XPO6: variants seen among roughly 807,000 people sequenced by gnomAD.
The protein encoded by XPO6 is exportin 6.
XPO6 carries 3 observed loss-of-function variants against 130.0 expected under a neutral mutation model. That is an observed-to-expected ratio of 0.02 (90% CI 0.01 to 0.06). The LOEUF is 0.06. XPO6 is among the 10% of genes least tolerant of loss of function. The pLI, the probability that XPO6 is intolerant of heterozygous loss-of-function variation, is 1.00. For synonymous variants in XPO6, 524 were observed against 548.9 expected (o/e 0.95, Z 0.63); for missense variants, 970 against 1,393.0 (o/e 0.70, Z 4.83).
chr16:28,154,121 A>G (rs2043142081), intron 7 of XPO6: 1 of 985,244 alleles, frequency 1.0e-6, no homozygotes, highest in African/African-American at 1.7e-5. Context: ...GGTGTCATCA[A>G]TCACTAATAC....
chr16:28,180,258 G>A (rs535154413), intron 2 of XPO6, among the ~76,000 whole-genome samples: 3 of 152,240 alleles, frequency 2.0e-5, no homozygotes, highest in South Asian at 2.1e-4. Context: ...CCAGCAACTC[G>A]GGAGGCTGAG....
At chr16:28,209,075 G>A (rs1212741325) in intron 1 of XPO6, 71 of 152,154 alleles carry the variant, frequency 4.7e-4, no homozygotes, top group Admixed American at 4.7e-3. Flanking sequence ...GTGAAATAAG[G>A]CAGTCACAAC....
chr16:28,181,029 T>C lies in XPO6; in HGVS notation c.6A>G (p.Ala2=), dbSNP rs1279548526. 2.5e-6 allele frequency: 4 copies of C among 1,610,850 alleles called. No individual in the cohort carries two copies. Among genetic ancestry groups the C allele is most frequent in the East Asian group, 2.2e-5 (1 of 44,842 alleles). ...ATGCCCTGAGAGAGGCTTCTTCAGA[T>C]GCCTAACAAAGGAATTTGAAAAAAA... The part of the protein sequence containing the change: M[A]SEEASLRALE... Residue 2 remains alanine (A), a splice_region_variant and synonymous_variant, in exon 2 of 24, where the codon GCA becomes GCG. Transcript: ENST00000304658.
At chr16:28,116,460 TCAA>T (rs1260851736) in intron 15 of XPO6, among the ~76,000 whole-genome samples, 3 of 142,138 alleles carry the variant, frequency 2.1e-5, no homozygotes, top group Non-Finnish European at 4.5e-5. Flanking sequence ...AGACTCCATC[TCAA>T]CAACAACAAA....
At chr16:28,200,882 G>T (rs184265388) in intron 1 of XPO6, among the ~76,000 whole-genome samples, 3 of 152,090 alleles carry the variant, frequency 2.0e-5, no homozygotes, top group African/African-American at 7.2e-5. Flanking sequence ...TACGCGGTAT[G>T]CATGAGGGCC....
At position 28,151,388 on chromosome 16, in the gene XPO6, G is replaced by A. The variant is rs532752719; in HGVS notation, c.1224+1271C>T. ...AACAATGACTTAACAACAGCACAAC[G>A]AAAATCAACACATGACTGCCACACA... On this transcript the variant is annotated intron_variant, in intron 8 of 23. Transcript: ENST00000304658. 3.9e-5 allele frequency among the ~76,000 whole-genome samples: 6 copies of A among 152,222 alleles called. No individual in the cohort carries two copies. In the East Asian group the frequency reaches 1.2e-3, roughly 29 times the overall value.
intron 5 of XPO6, 29 bp from the exon 6 acceptor site, chr16:28,166,614 A>C (rs1214799650): frequency 8.3e-6 from 13 of 1,559,978 alleles, no homozygotes; most frequent in Non-Finnish European, 1.1e-5. Context: ...CAGAGTTATA[A>C]GAGAAATAAT....
chr16:28,204,135 T>A (rs1200389164), intron 1 of XPO6, among the ~76,000 whole-genome samples: 1 of 152,162 alleles, frequency 6.6e-6, no homozygotes, highest in Non-Finnish European at 1.5e-5. Context: ...TTGCCCACTA[T>A]GCCAAGAATT....
chr16:28,111,693 G>T, intron 17 of XPO6, 124 bp downstream of exon 17: 1 of 1,044,060 alleles, frequency 9.6e-7, no homozygotes, highest in Non-Finnish European at 1.4e-6. Context: ...TTCCTGCTCA[G>T]CCTCTGTGGG....
At chr16:28,184,455 CCATAAA>C (rs2043662997) in intron 1 of XPO6, among the ~76,000 whole-genome samples, 2 of 151,900 alleles carry the variant, frequency 1.3e-5, no homozygotes, top group Non-Finnish European at 2.9e-5. Context: ...AAACCACTAA[CCATAAA>C]GGAAAAGACT....
At chr16:28,198,508 A>G (rs892551738) in intron 1 of XPO6, among the ~76,000 whole-genome samples, 1 of 152,192 alleles carries the variant, frequency 6.6e-6, no homozygotes, top group Non-Finnish European at 1.5e-5. Context: ...ACTGAGCTAA[A>G]TTATTGGTCA....
intron 4 of XPO6, chr16:28,172,953 A>G (rs1462910174): frequency 6.6e-6 from 1 of 152,226 alleles, no homozygotes; most frequent in Non-Finnish European, 1.5e-5. Flanking sequence ...CAGATAGAAC[A>G]TAATCAGGAA....
At chr16:28,168,587 GTTCTTT>G (rs1427844537) in intron 5 of XPO6, among the ~76,000 whole-genome samples, 1 of 148,974 alleles carries the variant, frequency 6.7e-6, no homozygotes, top group Non-Finnish European at 1.5e-5. Context: ...CAAATGCCAA[GTTCTTT>G]TTCTTTTTCT....
At chr16:28,120,777 A>G (rs245741) in intron 14 of XPO6, among the ~76,000 whole-genome samples, 8,159 of 152,320 alleles carry the variant, frequency 0.054, 559 homozygotes, top group East Asian at 0.17. Context: ...AATGCTCTAC[A>G]GCAGGAGTCG....
At chr16:28,134,013 T>C in intron 10 of XPO6, 80 bp from the exon 11 acceptor site, 2 of 1,414,298 alleles carry the variant, frequency 1.4e-6, no homozygotes, top group Non-Finnish European at 2.0e-6. Context: ...CTCTCAGACA[T>C]AAAATTTTGA....
chr16:28,099,138 G>C (rs565274778), intron 23 of XPO6, among the ~76,000 whole-genome samples: 1 of 148,316 alleles, frequency 6.7e-6, no homozygotes, highest in Non-Finnish European at 1.5e-5. Context: ...CTTTACCCAC[G>C]GGGCTCCAGG....
At chr16:28,184,168 C>CGTGT (rs1215825248) in intron 1 of XPO6, among the ~76,000 whole-genome samples, 8 of 152,312 alleles carry the variant, frequency 5.3e-5, no homozygotes, top group African/African-American at 1.9e-4. Context: ...CAAGTGCCAT[C>CGTGT]GTGTGGTAGG....
intron 1 of XPO6, among the ~76,000 whole-genome samples, chr16:28,206,139 T>TAC (rs138219018): frequency 0.096 from 13,769 of 142,744 alleles, 693 homozygotes; most frequent in Admixed American, 0.17. Flanking sequence ...TAGAAAGCAA[T>TAC]ACACACACAC....
At chr16:28,151,922 G>C (rs1288339330) in intron 8 of XPO6, among the ~76,000 whole-genome samples, 2 of 152,168 alleles carry the variant, frequency 1.3e-5, no homozygotes, top group African/African-American at 4.8e-5. Context: ...GATAGGATGT[G>C]ATAGAAATAT....
Sources: allele counts gnomAD v4.1 joint callset (sites outside exome capture counted in the v4.1 genomes callset), GRCh38; gene constraint gnomAD v4.1.1; transcripts MANE v1.5; gene names NCBI Gene and HGNC (gene_info 2026-07-23, HGNC 2026-07-21).